ARHGAP26: variants seen among roughly 807,000 people sequenced by gnomAD.
ARHGAP26 encodes the protein Rho GTPase activating protein 26.
A neutral mutation model predicts 104.8 loss-of-function variants in ARHGAP26; 38 were observed. That is an observed-to-expected ratio of 0.36 (90% CI 0.28 to 0.48). The LOEUF (loss-of-function observed/expected upper bound fraction) is 0.48, where lower values mean the gene tolerates loss of function less well. Among genes scored for constraint, ARHGAP26 ranks in the 20% least tolerant of loss-of-function variants. ARHGAP26 has a pLI of 0.99. For synonymous variants in ARHGAP26, 341 were observed against 340.0 expected (o/e 1.00, Z -0.03); for missense variants, 704 against 947.9 (o/e 0.74, Z 3.38).
At chr5:143,097,831 A>AG (rs1267108851) in intron 17 of ARHGAP26, among the ~76,000 whole-genome samples, 3 of 151,448 alleles carry the variant, frequency 2.0e-5, no homozygotes, top group Admixed American at 2.0e-4. Context: ...CAAAAAAAAA[A>AG]AAAAAAGAAA....
rs1318460364 is a variant in ARHGAP26, at chr5:142,788,532, A to G, written c.154+17617A>G. ...TGTGGGTTCCTCATCTGGGGATTCA[A>G]CCAACCACAGATCAAGAATATTGGG... is the stretch of plus-strand genomic sequence containing the variant. On this transcript the variant is annotated intron_variant, in intron 1 of 22. Transcript: ENST00000645722. 2.6e-5 allele frequency among the ~76,000 whole-genome samples: 4 copies of G among 152,360 alleles called. No individual in the cohort carries two copies. The East Asian group carries it at 5.8e-4, about 22-fold the overall frequency.
At chr5:143,072,967 A>C (rs1406777632) in intron 17 of ARHGAP26, among the ~76,000 whole-genome samples, 1 of 152,214 alleles carries the variant, frequency 6.6e-6, no homozygotes, top group Non-Finnish European at 1.5e-5. Context: ...TGATCACCAT[A>C]CATTATGTGT....
At chr5:142,856,954 A>G (rs1311840860) in intron 1 of ARHGAP26, among the ~76,000 whole-genome samples, 4 of 152,236 alleles carry the variant, frequency 2.6e-5, no homozygotes, top group Admixed American at 2.6e-4. Context: ...TCTGGAGGCC[A>G]GAAATCTGAA....
chr5:142,915,294 C>G (rs1762332054), intron 10 of ARHGAP26, among the ~76,000 whole-genome samples: 1 of 151,966 alleles, frequency 6.6e-6, no homozygotes, highest in Non-Finnish European at 1.5e-5. Context: ...GTCCCTGGTT[C>G]CCTCTGCATG....
In ARHGAP26 at chr5:143,227,627, CCTGT is replaced by C; in HGVS notation, c.*5184_*5187del. The C allele has an allele frequency of 4.4e-6, 1 of 229,576 alleles. No individual in the cohort carries two copies. The highest frequency in any genetic ancestry group is 6.2e-5 in the East Asian group (1 of 16,118). 14.2% of individuals were successfully genotyped at this position (229,576 alleles called of 1,614,324 possible). On this transcript the variant is annotated 3_prime_UTR_variant, in exon 23 of 23. Coordinates refer to ENST00000645722, the MANE Select transcript of ARHGAP26 (RefSeq NM_001135608.3). ...TTTTTTTCTCCTGCCGCCTACAGTA[CCTGT>C]CTAACTAAAGAGCTTCCCAAAGTGG...
At chr5:143,182,244 A>C (rs769755147) in intron 20 of ARHGAP26, among the ~76,000 whole-genome samples, 2 of 152,182 alleles carry the variant, frequency 1.3e-5, no homozygotes, top group Non-Finnish European at 1.5e-5. Flanking sequence ...AACACAAAGC[A>C]CTCGGCTTTG....
At chr5:143,182,199 C>T (rs1804485708) in intron 20 of ARHGAP26, among the ~76,000 whole-genome samples, 1 of 151,166 alleles carries the variant, frequency 6.6e-6, no homozygotes, top group Admixed American at 6.6e-5. Context: ...ACTACTCTTA[C>T]TACTGTTAAC....
chr5:143,137,041 T>C (rs1797988519), intron 19 of ARHGAP26, among the ~76,000 whole-genome samples: 1 of 152,220 alleles, frequency 6.6e-6, no homozygotes, highest in Admixed American at 6.5e-5. Context: ...TTATTTAATA[T>C]ACTTCTTTAA....
chr5:142,929,396 C>T (rs555637578), intron 10 of ARHGAP26, among the ~76,000 whole-genome samples: 23 of 152,122 alleles, frequency 1.5e-4, no homozygotes, highest in Admixed American at 1.4e-3. Context: ...AGTGGAGGGT[C>T]GTTGAGGGTT....
intron 20 of ARHGAP26, among the ~76,000 whole-genome samples, chr5:143,180,928 C>A (rs1804241260): frequency 6.6e-6 from 1 of 152,232 alleles, no homozygotes; most frequent in Non-Finnish European, 1.5e-5. Context: ...TCCCCTTCCT[C>A]CCCTGCACCC....
chr5:143,207,063 C>A, intron 20 of ARHGAP26, 135 bp from the exon 21 acceptor site: 1 of 1,013,408 alleles, frequency 9.9e-7, no homozygotes, highest in Non-Finnish European at 1.5e-6. Flanking sequence ...TGACATGGCC[C>A]TGACAGCACA....
chr5:142,865,997 T>C (rs1754211842), intron 1 of ARHGAP26, among the ~76,000 whole-genome samples: 2 of 152,058 alleles, frequency 1.3e-5, no homozygotes, highest in Admixed American at 6.5e-5. Context: ...AACTTTAAGG[T>C]TCAGCTCAAA....
intron 17 of ARHGAP26, among the ~76,000 whole-genome samples, chr5:143,113,252 T>A (rs1402768234): frequency 6.6e-6 from 1 of 152,176 alleles, no homozygotes; most frequent in African/African-American, 2.4e-5. Context: ...TCTAAACAAT[T>A]TTCAGTACCA....
chr5:142,853,125 T>C (rs986667816), intron 1 of ARHGAP26, among the ~76,000 whole-genome samples: 3 of 152,178 alleles, frequency 2.0e-5, no homozygotes, highest in Non-Finnish European at 2.9e-5. Flanking sequence ...GACTCTGAAG[T>C]GGGTTTCTGG....
intron 1 of ARHGAP26, among the ~76,000 whole-genome samples, chr5:142,772,334 T>G (rs1454619061): frequency 3.3e-5 from 5 of 152,204 alleles, no homozygotes. Context: ...AGACCCTTCC[T>G]TTGTCAATAA....
intron 18 of ARHGAP26, among the ~76,000 whole-genome samples, chr5:143,129,473 C>A (rs1382258764): frequency 6.6e-6 from 1 of 152,156 alleles, no homozygotes; most frequent in Non-Finnish European, 1.5e-5. Context: ...CCGCCAGACT[C>A]CAAAACTTAT....
chr5:142,949,625 A>G (rs1768002754), intron 11 of ARHGAP26, among the ~76,000 whole-genome samples: 3 of 152,108 alleles, frequency 2.0e-5, no homozygotes, highest in African/African-American at 7.2e-5. Flanking sequence ...GACTTTGTCT[A>G]TTTATTCATC....
At position 142,988,834 on chromosome 5, in the gene ARHGAP26, G is replaced by A. The variant is rs1045420483; in HGVS notation, c.1108-25246G>A. ...GTTTCTTAATCCTGAGTTCTAGTTT[G>A]ATTGCATTGTGGTCTGAGAGACAGT... On this transcript the variant is annotated intron_variant, in intron 11 of 22. Coordinates refer to ENST00000645722, the MANE Select transcript of ARHGAP26 (RefSeq NM_001135608.3). Among the ~76,000 whole-genome samples, 7 of 152,290 alleles carry A rather than the reference G, an allele frequency of 4.6e-5. No homozygotes were observed. In the East Asian group the frequency reaches 1.2e-3, roughly 25 times the overall value.
intron 11 of ARHGAP26, among the ~76,000 whole-genome samples, chr5:142,982,454 G>A (rs3776372): frequency 0.054 from 8,249 of 152,244 alleles, 479 homozygotes; most frequent in East Asian, 0.26. Context: ...AGGGTGTCTT[G>A]TCCTACTGTT....
Sources: allele counts gnomAD v4.1 joint callset (sites outside exome capture counted in the v4.1 genomes callset), GRCh38; gene constraint gnomAD v4.1.1; transcripts MANE v1.5; gene names NCBI Gene and HGNC (gene_info 2026-07-23, HGNC 2026-07-21).